Variants in EPB41L2 observed in about 807,000 individuals in gnomAD.
The protein encoded by EPB41L2 is erythrocyte membrane protein band 4.1 like 2.
EPB41L2 carries 43 observed loss-of-function variants against 113.0 expected under a neutral mutation model. The observed-to-expected ratio is 0.38, with a 90% CI of 0.30 to 0.49. The LOEUF (loss-of-function observed/expected upper bound fraction) is 0.49. Ranked by LOEUF, EPB41L2 falls within the 20% of genes least tolerant of loss-of-function variation. The pLI, the probability that EPB41L2 is intolerant of heterozygous loss-of-function variation, is 0.95. For missense variants in EPB41L2, 1,147 were observed against 1,223.4 expected (o/e 0.94, Z 0.93); for synonymous variants, 442 against 436.7 (o/e 1.01, Z -0.15).
At chr6:130,930,499 A>G (rs576406549) in intron 3 of EPB41L2, among the ~76,000 whole-genome samples, 3 of 152,318 alleles carry the variant, frequency 2.0e-5, no homozygotes, top group African/African-American at 7.2e-5. Context: ...GAAATACAAA[A>G]TATTTCTGGT....
chr6:131,007,434 T>C lies in EPB41L2; in HGVS notation c.-14-50935A>G, dbSNP rs1164448388. ...TCTTGGGTATCTCTTTATAGCAGCA[T>C]GCAAATGAACTAATACAGTAAATTG... On this transcript the variant is annotated intron_variant, in intron 1 of 19. Coordinates refer to ENST00000337057, the MANE Select transcript of EPB41L2 (RefSeq NM_001431.4). Among the ~76,000 whole-genome samples the C allele has an allele frequency of 2.0e-5, 3 of 152,142 alleles. No individual in the cohort carries two copies. The East Asian group carries it at 5.8e-4, about 29-fold the overall frequency.
intron 3 of EPB41L2, among the ~76,000 whole-genome samples, chr6:130,947,483 A>G (rs1159684604): frequency 4.6e-5 from 7 of 152,214 alleles, no homozygotes; most frequent in African/African-American, 1.7e-4. Flanking sequence ...AAACAAATCT[A>G]TTCTCTCAAA....
At position 131,029,262 on chromosome 6, in the gene EPB41L2, C is replaced by T. The variant is rs140515170; in HGVS notation, c.-15+33893G>A. Among the ~76,000 whole-genome samples, 1,309 of 152,120 alleles carry T rather than the reference C, an allele frequency of 8.6e-3. 10 individuals carry two copies. Among genetic ancestry groups the T allele is most frequent in the South Asian group, 0.021 (103 of 4,812 alleles). Reference sequence around the variant, plus strand: ...CCTTACAACTTCCTCCTTTAGTGGGCTATACTTGGGAAAAGCATCAAGGGA... The same window carrying T: ...CCTTACAACTTCCTCCTTTAGTGGGTTATACTTGGGAAAAGCATCAAGGGA... On this transcript the variant is annotated intron_variant, in intron 1 of 19. Coordinates refer to ENST00000337057, the MANE Select transcript of EPB41L2 (RefSeq NM_001431.4).
rs932061981 is a variant in EPB41L2 at position 131,034,092 on chromosome 6, T to C, written c.-15+29063A>G. ...TGACTGTTAAAACATCTAATGAATA[T>C]GGAGAACCATAAAGTCAGCATGCCA... is the stretch of plus-strand genomic sequence containing the variant. On this transcript the variant is annotated intron_variant, in intron 1 of 19. Transcript: ENST00000337057. Among the ~76,000 whole-genome samples, 97 of 152,302 alleles carry C rather than the reference T, an allele frequency of 6.4e-4. 3 individuals are homozygous for C. The highest frequency in any genetic ancestry group is 2.2e-4 in the Non-Finnish European group (15 of 68,016).
At chr6:131,028,625 A>G (rs527818472) in intron 1 of EPB41L2, among the ~76,000 whole-genome samples, 1 of 152,314 alleles carries the variant, frequency 6.6e-6, no homozygotes, top group Non-Finnish European at 1.5e-5. Context: ...TCCCATCATC[A>G]CAAGAAAAAA....
At chr6:131,010,212 T>C (rs1786586614) in intron 1 of EPB41L2, among the ~76,000 whole-genome samples, 1 of 152,032 alleles carries the variant, frequency 6.6e-6, no homozygotes, top group South Asian at 2.1e-4. Flanking sequence ...CAGAGTAAAA[T>C]GGAGCTGTGT....
chr6:130,987,819 T>C (rs1358800684), intron 1 of EPB41L2, among the ~76,000 whole-genome samples: 1 of 151,946 alleles, frequency 6.6e-6, no homozygotes, highest in African/African-American at 2.4e-5. Context: ...GCAAGGTAAA[T>C]AGGCTCAGGT....
chr6:130,900,872 G>A (rs1222944141), intron 7 of EPB41L2, 90 bp downstream of exon 7: 3 of 1,463,968 alleles, frequency 2.0e-6, no homozygotes, highest in Non-Finnish European at 1.9e-6. Context: ...GGATAATCCT[G>A]TAAATCATGC....
intron 1 of EPB41L2, among the ~76,000 whole-genome samples, chr6:130,958,254 C>A (rs1254896120): frequency 6.6e-6 from 1 of 152,064 alleles, no homozygotes; most frequent in African/African-American, 2.4e-5. Context: ...GAGTTCGAGA[C>A]CATCCTGGCC....
intron 14 of EPB41L2, 189 bp from the exon 15 acceptor site, chr6:130,870,315 A>G: frequency 6.4e-7 from 1 of 1,550,712 alleles, no homozygotes; most frequent in Non-Finnish European, 8.7e-7. Context: ...TTAACATGGA[A>G]AAAGGGGAGA....
chr6:131,058,452 A>T (rs1400397592), intron 1 of EPB41L2, among the ~76,000 whole-genome samples: 1 of 152,204 alleles, frequency 6.6e-6, no homozygotes, highest in Non-Finnish European at 1.5e-5. Flanking sequence ...GAGAAACAAT[A>T]TCAGTGGTTA....
intron 18 of EPB41L2, among the ~76,000 whole-genome samples, chr6:130,862,108 A>G (rs1733548721): frequency 6.6e-6 from 1 of 152,196 alleles, no homozygotes; most frequent in Non-Finnish European, 1.5e-5. Flanking sequence ...TGTGTTTTTA[A>G]TATTTGCCTT....
intron 19 of EPB41L2, among the ~76,000 whole-genome samples, chr6:130,850,462 G>A (rs1020619757): frequency 6.6e-6 from 1 of 151,644 alleles, no homozygotes; most frequent in South Asian, 2.1e-4. Context: ...GAAAAATGAT[G>A]AGGTAACGAC....
chr6:130,964,663 A>C lies in EPB41L2; in HGVS notation c.-14-8164T>G, dbSNP rs117896125. Reference sequence around the variant, plus strand: ...AACTATATTTGTTTACTAAAATAATAATAATAATAATAATGGTAGTAATAA... The same window carrying C: ...AACTATATTTGTTTACTAAAATAATCATAATAATAATAATGGTAGTAATAA... On this transcript the variant is annotated intron_variant, in intron 1 of 19. Transcript: ENST00000337057. Among the ~76,000 whole-genome samples, 1,304 of 152,236 alleles carry C rather than the reference A, an allele frequency of 8.6e-3. 9 individuals carry two copies. Among genetic ancestry groups the C allele is most frequent in the South Asian group, 0.021 (100 of 4,830 alleles).
chr6:130,890,327 A>G lies in EPB41L2; in HGVS notation c.1627T>C (p.Ser543Pro), dbSNP rs369608862. Residue 543 changes from serine to proline, a missense_variant, in exon 11 of 20, where the codon TCT (serine) becomes CCT (proline). Coordinates refer to ENST00000337057, the MANE Select transcript of EPB41L2 (RefSeq NM_001431.4). ...DRPAPHFERT[S>P]SKRVSRSLDG... ...AGACTCCTGGAGACCCGTTTACTAG[A>G]AGTGCGCTCAAAGTGTGGTGCTGGC... 4.5e-5 allele frequency: 72 copies of G among 1,613,370 alleles called. No homozygotes were observed. The highest frequency in any genetic ancestry group is 5.3e-5 in the Non-Finnish European group (63 of 1,179,716).
At chr6:131,040,557 C>T (rs1476100623) in intron 1 of EPB41L2, among the ~76,000 whole-genome samples, 1 of 152,104 alleles carries the variant, frequency 6.6e-6, no homozygotes, top group Non-Finnish European at 1.5e-5. Context: ...CAGGTAAAAT[C>T]ACCAATGGAT....
At chr6:131,020,667 TG>T (rs776549910) in intron 1 of EPB41L2, among the ~76,000 whole-genome samples, 14 of 152,222 alleles carry the variant, frequency 9.2e-5, no homozygotes, top group Non-Finnish European at 1.8e-4. Context: ...ATTCTTTAGA[TG>T]GGGTCAACCA....
At chr6:130,859,937 C>A (rs1302499415) in intron 18 of EPB41L2, among the ~76,000 whole-genome samples, 1 of 152,002 alleles carries the variant, frequency 6.6e-6, no homozygotes, top group Non-Finnish European at 1.5e-5. Context: ...TTTGTCAAGG[C>A]GGGAGAGTGA....
At chr6:130,867,861 G>A (rs1233997107) in intron 15 of EPB41L2, 3 of 365,356 alleles carry the variant, frequency 8.2e-6, no homozygotes, top group Non-Finnish European at 1.6e-5. Context: ...AAGTTGACAT[G>A]ATGGCTTCCT....
Sources: gnomAD v4.1 joint callset for allele counts (sites outside exome capture counted in the v4.1 genomes callset) on GRCh38, gnomAD v4.1.1 for gene constraint, MANE v1.5 for transcripts, NCBI Gene and HGNC (gene_info 2026-07-23, HGNC 2026-07-21) for gene names.